Variants in ZNF141 observed in about 807,000 individuals in gnomAD.
ZNF141 encodes the protein zinc finger protein 141 (clone pHZ-44).
A neutral mutation model predicts 11.3 loss-of-function variants in ZNF141; 7 were observed. That is an observed-to-expected ratio of 0.62 (90% CI 0.35 to 1.16). ZNF141 has a LOEUF of 1.16. Ranked by LOEUF, ZNF141 falls within the 50% of genes most tolerant of loss-of-function variation. The pLI is 0.02. For synonymous variants in ZNF141, 183 were observed against 190.7 expected, an observed-to-expected ratio of 0.96 and a Z score of 0.33; for missense variants, 535 against 554.0, an observed-to-expected ratio of 0.97 and a Z score of 0.34.
chr4:341,442 C>G (rs142004011), intron 1 of ZNF141, among the ~76,000 whole-genome samples: 1 of 152,224 alleles, frequency 6.6e-6, no homozygotes, highest in African/African-American at 2.4e-5. Context: ...TTGTGTTTAC[C>G]TTGCTAAGAA....
chr4:368,323 C>T (rs1377061925), intron 3 of ZNF141, among the ~76,000 whole-genome samples: 1 of 152,118 alleles, frequency 6.6e-6, no homozygotes, highest in Non-Finnish European at 1.5e-5. Flanking sequence ...CTCACTGCAA[C>T]CTCCACGTCC....
rs1712329730 is a variant in ZNF141, at chr4:375,672, A to G, written c.*1810A>G. 1.3e-5 allele frequency among the ~76,000 whole-genome samples: 2 copies of G among 152,104 alleles called. No individual in the cohort carries two copies. The highest frequency in any genetic ancestry group is 1.3e-4 in the Admixed American group (2 of 15,274). ...TTTGAAGAGATACTACATTTAAAGT[A>G]TATTTTTTCACTTGAAAAAAGTATA... On this transcript the variant is annotated 3_prime_UTR_variant, in exon 4 of 4. Transcript: ENST00000240499.
chr4:350,173 C>G (rs781967097), intron 3 of ZNF141: 1 of 534,664 alleles, frequency 1.9e-6, no homozygotes, highest in Non-Finnish European at 3.8e-6. Flanking sequence ...TAAGACCAAG[C>G]TCAGTGTGCC....
In ZNF141 at chr4:367,265, T is replaced by C. The variant is rs1711789448; in HGVS notation, c.227-5399T>C. 2.0e-5 allele frequency among the ~76,000 whole-genome samples: 3 copies of C among 152,192 alleles called. No homozygotes were observed. In the South Asian group the frequency reaches 6.2e-4, roughly 31 times the overall value. ...ATCACTGATATGTCTATTTCCAATA[T>C]GAGTCTATCTGTATGTGTATTGGTT... is the stretch of plus-strand genomic sequence containing the variant. On this transcript the variant is annotated intron_variant, in intron 3 of 3. Transcript: ENST00000240499.
intron 3 of ZNF141, among the ~76,000 whole-genome samples, chr4:369,997 C>T: frequency 6.6e-6 from 1 of 151,350 alleles, no homozygotes; most frequent in East Asian, 1.9e-4. Context: ...GATCTCCTGA[C>T]CTCGTGATCC....
intron 1 of ZNF141, 179 bp downstream of exon 1, chr4:338,165 C>A: frequency 1.5e-6 from 1 of 683,714 alleles, no homozygotes. Flanking sequence ...GGCTCTGGCC[C>A]AGCCTGCAGC....
At position 351,591 on chromosome 4, in the gene ZNF141, C is replaced by T. The variant is rs559773430; in HGVS notation, c.226+7161C>T. The stretch of plus-strand genomic sequence containing the variant: ...TGTAAGTGCCTTACAATTTTCTTTC[C>T]TCCTAAAACATAAGCACTGAGTTTG... On this transcript the variant is annotated intron_variant, in intron 3 of 3. Coordinates refer to ENST00000240499, the MANE Select transcript of ZNF141 (RefSeq NM_003441.4). Among the ~76,000 whole-genome samples the T allele has an allele frequency of 2.6e-4, 40 of 152,254 alleles. No individual in the cohort carries two copies. The South Asian group carries it at 5.6e-3, about 21-fold the overall frequency.
intron 3 of ZNF141, among the ~76,000 whole-genome samples, chr4:347,699 C>T (rs1721402278): frequency 6.6e-6 from 1 of 150,894 alleles, no homozygotes; most frequent in South Asian, 2.1e-4. Context: ...TGCATCTCAC[C>T]ACCAGCATAC....
chr4:358,183 CTTTTTTTTT>C, intron 3 of ZNF141: 1 of 301,710 alleles, frequency 3.3e-6, no homozygotes. Flanking sequence ...GTTTCTCGTT[CTTTTTTTTT>C]TTTTTTTTTT....
intron 3 of ZNF141, among the ~76,000 whole-genome samples, chr4:365,793 T>A (rs1711715763): frequency 2.0e-5 from 3 of 152,258 alleles, no homozygotes; most frequent in Non-Finnish European, 4.4e-5. Context: ...TAAATCTTTA[T>A]TTGCGATTGA....
At chr4:370,950 TCTCA>T (rs1470811565) in intron 3 of ZNF141, among the ~76,000 whole-genome samples, 1 of 151,906 alleles carries the variant, frequency 6.6e-6, no homozygotes, top group Non-Finnish European at 1.5e-5. Flanking sequence ...GCCAGGATGG[TCTCA>T]CTCTCCTGAC....
At chr4:343,712 G>A (rs59095927) in intron 1 of ZNF141, 70 bp from the exon 2 acceptor site, 46,742 of 1,294,404 alleles carry the variant, frequency 0.036, 1,203 homozygotes, top group African/African-American at 0.14. Context: ...GTGACAGAGC[G>A]AGACTCCGTC....
chr4:342,365 T>G (rs1553848612), intron 1 of ZNF141, among the ~76,000 whole-genome samples: 1 of 152,226 alleles, frequency 6.6e-6, no homozygotes. Context: ...AATGCCATGT[T>G]TGAAGATGAT....
Position 357,770 on chromosome 4 carries a change from G to T in ZNF141, c.226+13340G>T, listed in dbSNP as rs549253336. Among the ~76,000 whole-genome samples, 3 of 148,284 alleles carry T rather than the reference G, an allele frequency of 2.0e-5. No homozygotes were observed. The East Asian group carries it at 6.0e-4, about 30-fold the overall frequency. ...TGCCCAGGCTGGAGTGCAGTGGCAC[G>T]ATCTTGGCTCACTGCAGCTTGCGCC... On this transcript the variant is annotated intron_variant, in intron 3 of 3. Transcript: ENST00000240499.
rs952803546 is a variant in ZNF141, at chr4:379,183, G to A, written c.*5321G>A. Among the ~76,000 whole-genome samples the A allele has an allele frequency of 2.6e-5, 4 of 151,818 alleles. No homozygotes were observed. Among genetic ancestry groups the A allele is most frequent in the African/African-American group, 4.8e-5 (2 of 41,322 alleles). On this transcript the variant is annotated 3_prime_UTR_variant, in exon 4 of 4. Transcript: ENST00000240499. ...ATGCAAATTCATTTACTGTGTTCAC[G>A]AAGTGGCCAATTTTGGGACCTTTAG...
rs566624068 is a variant in ZNF141 at position 376,758 on chromosome 4, A to G, written c.*2896A>G. Among the ~76,000 whole-genome samples, 1 of 152,114 alleles carries G rather than the reference A, an allele frequency of 6.6e-6. No individual in the cohort carries two copies. The highest frequency in any genetic ancestry group is 1.5e-5 in the Non-Finnish European group (1 of 67,950). On this transcript the variant is annotated 3_prime_UTR_variant, in exon 4 of 4. Coordinates refer to ENST00000240499, the MANE Select transcript of ZNF141 (RefSeq NM_003441.4). ...TTCCAAAGAAAATAGCAATATTAGA[A>G]CAAAGAAGATTATGTTAATACCATG...
intron 3 of ZNF141, among the ~76,000 whole-genome samples, chr4:366,904 G>A (rs937567043): frequency 3.3e-5 from 5 of 152,076 alleles, no homozygotes; most frequent in African/African-American, 1.2e-4. Flanking sequence ...TGGACCTCAG[G>A]TAATCCTCCT....
Position 375,290 on chromosome 4 carries a change from T to G in ZNF141, c.*1428T>G, listed in dbSNP as rs948120795. The G allele has an allele frequency of 3.3e-5, 5 of 152,094 alleles. No homozygotes were observed. The highest frequency in any genetic ancestry group is 7.4e-5 in the Non-Finnish European group (5 of 67,952). 9.4% of individuals were successfully genotyped at this position (152,094 alleles called of 1,614,324 possible). A position where few individuals can be genotyped will look rare whatever the true frequency, so the allele number is the denominator to read the frequency against. ...AAGAGGGTTGTAGTACCTGTACTTCTCTCATGGATTTTGTTGTACACATTT... is the reference window on the plus strand; with the variant it reads ...AAGAGGGTTGTAGTACCTGTACTTCGCTCATGGATTTTGTTGTACACATTT... On this transcript the variant is annotated 3_prime_UTR_variant, in exon 4 of 4. Coordinates refer to ENST00000240499, the MANE Select transcript of ZNF141 (RefSeq NM_003441.4).
Position 381,703 on chromosome 4 carries a change from C to T in ZNF141, c.*7841C>T, listed in dbSNP as rs1186337145. ...GGATTACAGGCGTGAGCCACCATGC[C>T]CTCAAATATGCTTTCTTAGTACTCC... On this transcript the variant is annotated 3_prime_UTR_variant, in exon 4 of 4. Coordinates refer to ENST00000240499, the MANE Select transcript of ZNF141 (RefSeq NM_003441.4). 1.3e-5 allele frequency among the ~76,000 whole-genome samples: 2 copies of T among 151,964 alleles called. No homozygotes were observed. The highest frequency in any genetic ancestry group is 2.1e-4 in the South Asian group (1 of 4,812).
Sources: gnomAD v4.1 joint callset for allele counts (sites outside exome capture counted in the v4.1 genomes callset) on GRCh38, gnomAD v4.1.1 for gene constraint, MANE v1.5 for transcripts, NCBI Gene and HGNC (gene_info 2026-07-23, HGNC 2026-07-21) for gene names.